The following CFAP52 variants were observed in gnomAD, a reference collection of about 807,000 sequenced individuals.
The protein encoded by CFAP52 is cilia and flagella associated protein 52, also known as cilia- and flagella-associated protein 52.
Under a neutral mutation model 70.5 loss-of-function variants are expected in CFAP52, and 57 were observed. The observed-to-expected ratio is 0.81, with a 90% CI of 0.65 to 1.01. The LOEUF (loss-of-function observed/expected upper bound fraction) is 1.01, where lower values mean the gene tolerates loss of function less well. CFAP52 is among the 50% of genes least tolerant of loss of function. CFAP52 has a pLI of 0.00. For synonymous variants in CFAP52, 267 were observed against 292.5 expected (o/e 0.91, Z 0.89); for missense variants, 785 against 788.5 (o/e 1.00, Z 0.05).
At chr17:9,614,178 A>T (rs1175006939) in intron 8 of CFAP52, among the ~76,000 whole-genome samples, 13 of 110,196 alleles carry the variant, frequency 1.2e-4, no homozygotes, top group Admixed American at 7.5e-4. Context: ...TTTTTTTGAG[A>T]CTGAGTCTCG....
chr17:9,608,176 G>A lies in CFAP52; in HGVS notation c.811G>A (p.Gly271Arg), dbSNP rs140921334. The A allele has an allele frequency of 1.2e-5, 20 of 1,612,292 alleles. No individual in the cohort carries two copies. The highest frequency in any genetic ancestry group is 2.7e-5 in the African/African-American group (2 of 74,958). The change falls in exon 7 of 14, where the codon GGA (glycine) becomes AGA (arginine). Residue 271 changes from glycine to arginine, a missense_variant. Transcript: ENST00000352665. ...GGGTTTGTTGGTGGGCTCTGGAGCCGGACTGCTGGTCTTCTGTAAAAGCCC... is the reference window on the plus strand; with the variant it reads ...GGGTTTGTTGGTGGGCTCTGGAGCCAGACTGCTGGTCTTCTGTAAAAGCCC... Reference protein sequence around the residue: ...MGGLLVGSGAGLLVFCKSPGY... With the variant: ...MGGLLVGSGARLLVFCKSPGY...
At chr17:9,580,352 A>T (rs1156284312) in intron 1 of CFAP52, among the ~76,000 whole-genome samples, 1 of 150,744 alleles carries the variant, frequency 6.6e-6, no homozygotes, top group Non-Finnish European at 1.5e-5. Context: ...CCCTGTAAAT[A>T]GGTAAATAAA....
chr17:9,577,881 C>T (rs1286588468), intron 1 of CFAP52, among the ~76,000 whole-genome samples: 7 of 152,162 alleles, frequency 4.6e-5, no homozygotes, highest in Non-Finnish European at 7.4e-5. Context: ...CACCTGAGGT[C>T]AGGAGTTCGA....
At chr17:9,602,830 G>A (rs9907855) in intron 6 of CFAP52, among the ~76,000 whole-genome samples, 9,121 of 152,200 alleles carry the variant, frequency 0.06, 420 homozygotes, top group African/African-American at 0.13. Flanking sequence ...AGATGGTATC[G>A]CATTGCAGTT....
At chr17:9,623,830 G>C (rs940690481) in intron 8 of CFAP52, among the ~76,000 whole-genome samples, 1 of 152,028 alleles carries the variant, frequency 6.6e-6, no homozygotes, top group African/African-American at 2.4e-5. Context: ...TGAGTAGCTG[G>C]GACTAGAGGT....
chr17:9,593,879 C>T (rs924463401), intron 3 of CFAP52, among the ~76,000 whole-genome samples: 7 of 151,960 alleles, frequency 4.6e-5, no homozygotes, highest in African/African-American at 1.4e-4. Flanking sequence ...GCAGGAGAAT[C>T]GCTTGAATCC....
Position 9,594,208 on chromosome 17 carries a change from C to A in CFAP52, c.423C>A (p.Ser141Arg). 1 of 1,611,246 alleles carries A rather than the reference C, an allele frequency of 6.2e-7. No homozygotes were observed. The highest frequency in any genetic ancestry group is 8.5e-7 in the Non-Finnish European group (1 of 1,178,770). The change falls in exon 4 of 14, where the codon AGC becomes AGA. Residue 141 changes from serine to arginine, a missense_variant. Physicochemically the swap from Ser to Arg is moderately radical, Grantham distance 110. Transcript: ENST00000352665. ...ATTTTGGCAGTGTGGTGGTGTGGAG[C>A]ATAGCCAAGAGAGATGCCATCTGTG... ...GPDDGSVVVW[S>R]IAKRDAICGS... is the part of the protein sequence containing the mutation.
chr17:9,635,756 G>A (rs1456740443), intron 11 of CFAP52, among the ~76,000 whole-genome samples, 200 bp downstream of exon 11: 1 of 152,178 alleles, frequency 6.6e-6, no homozygotes. Flanking sequence ...TTTCCAGGAA[G>A]AACTGAATGT....
At chr17:9,591,492 T>C (rs1908759734) in intron 3 of CFAP52, among the ~76,000 whole-genome samples, 1 of 152,216 alleles carries the variant, frequency 6.6e-6, no homozygotes, top group Non-Finnish European at 1.5e-5. Flanking sequence ...TTCTTTGCCA[T>C]AATAGCATAG....
At chr17:9,590,073 G>C (rs747782160) in intron 3 of CFAP52, 1 of 191,372 alleles carries the variant, frequency 5.2e-6, no homozygotes, top group Non-Finnish European at 1.1e-5. Context: ...GATATGTTCC[G>C]TGAGAATCCA....
intron 8 of CFAP52, among the ~76,000 whole-genome samples, chr17:9,613,679 G>A (rs932903853): frequency 2.0e-5 from 3 of 151,812 alleles, no homozygotes; most frequent in Non-Finnish European, 2.9e-5. Context: ...CACCACGCCC[G>A]GCTAATTTTT....
chr17:9,584,928 T>C (rs1908388099), intron 1 of CFAP52, among the ~76,000 whole-genome samples: 1 of 152,184 alleles, frequency 6.6e-6, no homozygotes, highest in Non-Finnish European at 1.5e-5. Flanking sequence ...GGCCACACAA[T>C]GTAATATTAC....
chr17:9,600,842 C>T (rs1423646738), intron 6 of CFAP52, among the ~76,000 whole-genome samples: 4 of 152,166 alleles, frequency 2.6e-5, no homozygotes, highest in Non-Finnish European at 1.5e-5. Flanking sequence ...AAAGCCACAT[C>T]TCAATTTGCA....
chr17:9,614,248 C>T (rs1019041323), intron 8 of CFAP52, among the ~76,000 whole-genome samples: 8 of 150,784 alleles, frequency 5.3e-5, no homozygotes, highest in Admixed American at 2.0e-4. Context: ...CTCTGCCTCC[C>T]AGGTTCAAGC....
chr17:9,602,689 A>T (rs942081203), intron 6 of CFAP52, among the ~76,000 whole-genome samples: 1 of 152,216 alleles, frequency 6.6e-6, no homozygotes, highest in Non-Finnish European at 1.5e-5. Context: ...AGGAATCACC[A>T]CACTGTCTTC....
intron 7 of CFAP52, among the ~76,000 whole-genome samples, chr17:9,608,468 A>G (rs1909592938): frequency 6.6e-6 from 1 of 152,224 alleles, no homozygotes; most frequent in Non-Finnish European, 1.5e-5. Context: ...TAATAAATAC[A>G]TAAGTTTGTA....
intron 6 of CFAP52, among the ~76,000 whole-genome samples, chr17:9,601,078 A>G (rs915887578): frequency 5.9e-5 from 9 of 152,086 alleles, no homozygotes; most frequent in Admixed American, 5.9e-4. Flanking sequence ...AATACTATGC[A>G]GCCATAAAAA....
intron 9 of CFAP52, among the ~76,000 whole-genome samples, chr17:9,631,309 A>G (rs1910530875): frequency 6.6e-6 from 1 of 152,068 alleles, no homozygotes; most frequent in South Asian, 2.1e-4. Context: ...CTGGGCATAG[A>G]TAGAGCCTTT....
At chr17:9,577,121 A>G (rs1189835579) in intron 1 of CFAP52, among the ~76,000 whole-genome samples, 2 of 152,186 alleles carry the variant, frequency 1.3e-5, no homozygotes, top group African/African-American at 4.8e-5. Context: ...CGCCGCTCGC[A>G]AAGCCCTAGG....
Sources: gnomAD v4.1 joint callset for allele counts (sites outside exome capture counted in the v4.1 genomes callset) on GRCh38, gnomAD v4.1.1 for gene constraint, MANE v1.5 for transcripts, NCBI Gene and HGNC (gene_info 2026-07-23, HGNC 2026-07-21) for gene names.